The following SAMD12 variants were observed in gnomAD, a reference collection of about 807,000 sequenced individuals.
The protein encoded by SAMD12 is sterile alpha motif domain containing 12.
In SAMD12, 9 loss-of-function variants were observed where a neutral mutation model predicts 15.0. That is an observed-to-expected ratio of 0.60 (90% CI 0.36 to 1.05). SAMD12 has a LOEUF of 1.05. Ranked by LOEUF, SAMD12 falls within the 50% of genes least tolerant of loss-of-function variation. The pLI is 0.01. For missense variants in SAMD12, 230 were observed against 234.2 expected, an observed-to-expected ratio of 0.98 and a Z score of 0.12; for synonymous variants, 86 against 90.1, an observed-to-expected ratio of 0.96 and a Z score of 0.25.
At chr8:118,268,675 G>A (rs538195203) in intron 4 of SAMD12, among the ~76,000 whole-genome samples, 68 of 152,182 alleles carry the variant, frequency 4.5e-4, no homozygotes, top group African/African-American at 1.6e-3. Flanking sequence ...TTAGCCAGGC[G>A]TGGTGGTGCT....
intron 4 of SAMD12, among the ~76,000 whole-genome samples, chr8:118,245,851 G>T (rs190251729): frequency 6.6e-6 from 1 of 152,162 alleles, no homozygotes; most frequent in Admixed American, 6.5e-5. Flanking sequence ...AAGGGGAGGG[G>T]TTAAGTTGAA....
At position 118,339,343 on chromosome 8, in the gene SAMD12, AAAAG is replaced by A. The variant is rs909795779; in HGVS notation, c.433+40213_433+40216del. ...AGACCCTGTCTTAAAAAATAAAGAG[AAAAG>A]AAAGAAAAGGAAAGAGAGAGAGAAA... On this transcript the variant is annotated intron_variant, in intron 4 of 4. Coordinates refer to the SAMD12 transcript ENST00000409003. Among the ~76,000 whole-genome samples the A allele has an allele frequency of 2.7e-4, 41 of 152,272 alleles. 1 individual carries two copies. Among genetic ancestry groups the A allele is most frequent in the African/African-American group, 8.9e-4 (37 of 41,552 alleles).
chr8:118,312,558 A>G (rs566096659), intron 4 of SAMD12, among the ~76,000 whole-genome samples: 3 of 152,280 alleles, frequency 2.0e-5, no homozygotes, highest in East Asian at 3.9e-4. Context: ...ATCATTTGAT[A>G]TGGGGTAGTC....
intron 1 of SAMD12, among the ~76,000 whole-genome samples, chr8:118,602,221 G>T (rs993590107): frequency 6.6e-6 from 1 of 152,200 alleles, no homozygotes; most frequent in Non-Finnish European, 1.5e-5. Context: ...TTGCACAACT[G>T]CCTTTGTCAA....
intron 3 of SAMD12, among the ~76,000 whole-genome samples, chr8:118,408,445 C>A (rs959839740): frequency 4.6e-5 from 7 of 152,138 alleles, no homozygotes; most frequent in Admixed American, 2.0e-4. Flanking sequence ...TACCTGCCAT[C>A]GCTTTCAGAG....
At chr8:118,151,182 T>A in the SAMD12 span, among the ~76,000 whole-genome samples, 3 of 152,192 alleles carry the variant, frequency 2.0e-5, no homozygotes, top group South Asian at 2.1e-4. Flanking sequence ...GAGTCTTTTT[T>A]TTCTCTAGCT....
At chr8:118,523,101 A>G (rs543636495) in intron 2 of SAMD12, among the ~76,000 whole-genome samples, 9 of 152,336 alleles carry the variant, frequency 5.9e-5, no homozygotes, top group African/African-American at 1.7e-4. Flanking sequence ...TAGCTGGCCC[A>G]GTTGAACCAA....
At chr8:118,157,582 A>T in the SAMD12 span, among the ~76,000 whole-genome samples, 1 of 152,222 alleles carries the variant, frequency 6.6e-6, no homozygotes, top group Non-Finnish European at 1.5e-5. Flanking sequence ...TATTTTAAAA[A>T]GCCTAACTTG....
intron 2 of SAMD12, among the ~76,000 whole-genome samples, chr8:118,445,386 A>G (rs1204831982): frequency 6.6e-6 from 1 of 152,182 alleles, no homozygotes. Flanking sequence ...TATCTTGTCT[A>G]TTGCATGCTG....
intron 3 of SAMD12, among the ~76,000 whole-genome samples, chr8:118,401,031 T>C (rs1037682456): frequency 2.6e-5 from 4 of 152,214 alleles, no homozygotes; most frequent in South Asian, 2.1e-4. Flanking sequence ...ACTGAACAAT[T>C]AGATGGCACC....
intron 2 of SAMD12, among the ~76,000 whole-genome samples, chr8:118,498,832 G>T (rs1824699744): frequency 6.6e-6 from 1 of 152,162 alleles, no homozygotes. Context: ...TCATAGAAAT[G>T]GTAGATAGAC....
chr8:118,422,545 G>T (rs1822046102), intron 3 of SAMD12, among the ~76,000 whole-genome samples: 1 of 152,102 alleles, frequency 6.6e-6, no homozygotes, highest in South Asian at 2.1e-4. Flanking sequence ...AGGACAGGAT[G>T]GATTGTTGTA....
At chr8:118,479,207 C>T (rs1026110653) in intron 2 of SAMD12, among the ~76,000 whole-genome samples, 1 of 152,164 alleles carries the variant, frequency 6.6e-6, no homozygotes, top group African/African-American at 2.4e-5. Flanking sequence ...CCTCTCTGCC[C>T]TTTCTGTGAC....
At chr8:118,478,503 T>C (rs947686239) in intron 2 of SAMD12, among the ~76,000 whole-genome samples, 7 of 152,242 alleles carry the variant, frequency 4.6e-5, no homozygotes, top group Non-Finnish European at 5.9e-5. Context: ...GTAGATTTTA[T>C]TTAAAACATT....
intron 4 of SAMD12, among the ~76,000 whole-genome samples, chr8:118,337,077 G>A (rs1350237004): frequency 6.6e-6 from 1 of 151,786 alleles, no homozygotes; most frequent in Non-Finnish European, 1.5e-5. Context: ...GAGTTAATGG[G>A]TGCAGCACAC....
At chr8:118,343,374 C>T (rs954256553) in intron 4 of SAMD12, among the ~76,000 whole-genome samples, 2 of 136,970 alleles carry the variant, frequency 1.5e-5, no homozygotes, top group Admixed American at 7.7e-5. Context: ...GGGGGGGAAT[C>T]GTTTTGGGGA....
At chr8:118,136,060 ACT>A in the SAMD12 span, among the ~76,000 whole-genome samples, 11 of 144,920 alleles carry the variant, frequency 7.6e-5, no homozygotes, top group African/African-American at 2.8e-4. Flanking sequence ...ACAGAGTCTC[ACT>A]CTTGTCACCC....
the SAMD12 span, among the ~76,000 whole-genome samples, chr8:118,134,676 C>A: frequency 1.3e-5 from 2 of 152,280 alleles, no homozygotes; most frequent in East Asian, 3.9e-4. Context: ...ACTTTGAGAA[C>A]CACTAGCTTC....
intron 2 of SAMD12, among the ~76,000 whole-genome samples, chr8:118,519,454 A>AT (rs1461133820): frequency 1.3e-5 from 2 of 152,138 alleles, no homozygotes; most frequent in South Asian, 2.1e-4. Flanking sequence ...ACAATCTTAT[A>AT]TTTTTTCTCT....
Sources: allele counts gnomAD v4.1 joint callset (sites outside exome capture counted in the v4.1 genomes callset), GRCh38; gene constraint gnomAD v4.1.1; transcripts MANE v1.5; gene names NCBI Gene and HGNC (gene_info 2026-07-23, HGNC 2026-07-21).